The following KLHL29 variants were observed in gnomAD, a reference collection of about 807,000 sequenced individuals.
KLHL29 encodes the protein kelch like family member 29.
In KLHL29, 21 loss-of-function variants were observed where a neutral mutation model predicts 80.4. The observed-to-expected ratio is 0.26, with a 90% CI of 0.19 to 0.38. KLHL29 has a LOEUF of 0.38. Ranked by LOEUF, KLHL29 falls within the 10% of genes least tolerant of loss-of-function variation. The probability of loss-of-function intolerance (pLI) is 1.00; values close to 1 mark genes in which losing one functional copy is unlikely to be tolerated. For missense variants in KLHL29, 867 were observed against 1,223.9 expected (o/e 0.71, Z 4.35); for synonymous variants, 511 against 526.8 (o/e 0.97, Z 0.41).
Position 23,707,049 on chromosome 2 carries a change from A to T in KLHL29, c.*385A>T. On this transcript the variant is annotated 3_prime_UTR_variant, in exon 14 of 14. Coordinates refer to ENST00000486442, the MANE Select transcript of KLHL29 (RefSeq NM_052920.2). ...CAGTTATCTTATGACAACATTAGGCATCAGGCTCTCTTGGAATAAGATCAA... is the reference window on the plus strand; with the variant it reads ...CAGTTATCTTATGACAACATTAGGCTTCAGGCTCTCTTGGAATAAGATCAA... 1 of 161,244 alleles carries T rather than the reference A, an allele frequency of 6.2e-6. No individual in the cohort carries two copies. The highest frequency in any genetic ancestry group is 1.3e-5 in the Non-Finnish European group (1 of 74,224). 10.0% of individuals were successfully genotyped at this position (161,244 alleles called of 1,614,324 possible).
At chr2:23,414,121 G>A (rs1666928032) in intron 1 of KLHL29, among the ~76,000 whole-genome samples, 1 of 152,242 alleles carries the variant, frequency 6.6e-6, no homozygotes, top group Admixed American at 6.5e-5. Flanking sequence ...TTTCATTTCA[G>A]AAGAAAGAGG....
intron 1 of KLHL29, among the ~76,000 whole-genome samples, chr2:23,438,108 G>C (rs1380257702): frequency 4.7e-5 from 7 of 149,862 alleles, no homozygotes; most frequent in Non-Finnish European, 1.0e-4. Flanking sequence ...TTGGCTCTCT[G>C]TTTGACTGTT....
In KLHL29 at chr2:23,417,205, C is replaced by T. The variant is rs117647678; in HGVS notation, c.-154+31425C>T. On this transcript the variant is annotated intron_variant, in intron 1 of 13. Transcript: ENST00000486442. Reference sequence around the variant, plus strand: ...CTCTCTTAAGGGATTTGACAGCAACCTTTTAACTCATCTCCTGGCCTCTGA... The same window carrying T: ...CTCTCTTAAGGGATTTGACAGCAACTTTTTAACTCATCTCCTGGCCTCTGA... Among the ~76,000 whole-genome samples the T allele has an allele frequency of 3.0e-4, 45 of 152,232 alleles. 2 individuals carry two copies. In the East Asian group the frequency reaches 7.9e-3, roughly 27 times the overall value.
intron 2 of KLHL29, among the ~76,000 whole-genome samples, chr2:23,490,125 G>A (rs1233335244): frequency 6.6e-6 from 1 of 152,226 alleles, no homozygotes; most frequent in African/African-American, 2.4e-5. Flanking sequence ...TTCTCTGGAG[G>A]ATTCTTTTGG....
intron 3 of KLHL29, among the ~76,000 whole-genome samples, chr2:23,634,643 T>A (rs1669561245): frequency 6.6e-6 from 1 of 152,102 alleles, no homozygotes; most frequent in Admixed American, 6.5e-5. Flanking sequence ...CACCCAAGCA[T>A]CCGGAGGGGC....
chr2:23,434,355 C>T (rs1372192836), intron 1 of KLHL29, among the ~76,000 whole-genome samples: 1 of 151,010 alleles, frequency 6.6e-6, no homozygotes, highest in Non-Finnish European at 1.5e-5. Context: ...AGCTAGGCTC[C>T]GTGAGTCATG....
chr2:23,695,691 T>G lies in KLHL29; in HGVS notation c.1611T>G (p.Val537=). 1 of 1,551,618 alleles carries G rather than the reference T, an allele frequency of 6.4e-7. No individual in the cohort carries two copies. Among genetic ancestry groups the G allele is most frequent in the East Asian group, 2.4e-5 (1 of 40,922 alleles). ...FIHPSYLLNV[V]DNEELIKSSE... ...ACCCCAGCTACCTGCTCAATGTGGT[T>G]GACAATGAAGAGCTGATCAAGTCAT... Residue 537 remains valine, a synonymous_variant, in exon 9 of 14, where the codon GTT becomes GTG. Transcript: ENST00000486442. This position sits in a 1 kb window ranked among gnomAD's most constrained non-coding sequence, Gnocchi z 7.6.
chr2:23,617,338 C>T (rs551108280), intron 3 of KLHL29: 24 of 152,364 alleles, frequency 1.6e-4, no homozygotes, highest in African/African-American at 5.3e-4. Flanking sequence ...TGAAGCGCTC[C>T]TACTTAACAA....
rs902948357 is a variant in KLHL29 at position 23,612,508 on chromosome 2, G to A, written c.286-26631G>A. 7.2e-5 allele frequency among the ~76,000 whole-genome samples: 11 copies of A among 152,202 alleles called. 1 individual carries two copies. Among genetic ancestry groups the A allele is most frequent in the East Asian group, 3.9e-4 (2 of 5,194 alleles). ...GCCTGTAATCCCAGAACTTTAGGCC[G>A]TGGCAGGTGGATCACCTGAGGTCAG... is the stretch of plus-strand genomic sequence containing the variant. On this transcript the variant is annotated intron_variant, in intron 3 of 13. Transcript: ENST00000486442.
At chr2:23,489,311 G>T (rs1665027005) in intron 2 of KLHL29, among the ~76,000 whole-genome samples, 2 of 152,134 alleles carry the variant, frequency 1.3e-5, no homozygotes, top group Admixed American at 1.3e-4. Flanking sequence ...GGGATGGATT[G>T]TCTCTGACAC....
At chr2:23,426,038 A>G (rs1444029680) in intron 1 of KLHL29, among the ~76,000 whole-genome samples, 2 of 152,086 alleles carry the variant, frequency 1.3e-5, no homozygotes, top group African/African-American at 4.8e-5. Flanking sequence ...ATCACAGAGG[A>G]TGACTGCACC....
Position 23,696,627 on chromosome 2 carries a change from C to A in KLHL29, c.2105+114C>A. 1 of 817,758 alleles carries A rather than the reference C, an allele frequency of 1.2e-6. No homozygotes were observed. The highest frequency in any genetic ancestry group is 1.9e-6 in the Non-Finnish European group (1 of 528,324). The allele number at this position is 817,758 out of a possible 1,614,324, so 50.7% of individuals were successfully genotyped here. A position where few individuals can be genotyped will look rare whatever the true frequency, so the allele number is the denominator to read the frequency against. ...CAGTGGCGATGGAGCAGAGCCTGGA[C>A]CATTCATATGGGCAGTCATCCCAGG... is the stretch of plus-strand genomic sequence containing the variant. On this transcript the variant is annotated intron_variant, in intron 11 of 13. Transcript: ENST00000486442. The surrounding 1 kb of genome is among the most constrained non-coding windows in gnomAD (Gnocchi z 5.5).
chr2:23,629,825 T>C (rs1669422616), intron 3 of KLHL29, among the ~76,000 whole-genome samples: 1 of 152,126 alleles, frequency 6.6e-6, no homozygotes, highest in South Asian at 2.1e-4. Context: ...GAAAAATCAT[T>C]AAGAAAGAAG....
At position 23,673,910 on chromosome 2, in the gene KLHL29, C is replaced by T. The variant is rs148996581; in HGVS notation, c.941-10489C>T. On this transcript the variant is annotated intron_variant, in intron 5 of 13. Transcript: ENST00000486442. ...ACGTAGATACACATGCATGCACACA[C>T]ACTCACAACCATGTGTGCACACAGC... is the stretch of plus-strand genomic sequence containing the variant. Among the ~76,000 whole-genome samples the T allele has an allele frequency of 1.1e-3, 168 of 152,302 alleles. 1 individual carries two copies. Among genetic ancestry groups the T allele is most frequent in the African/African-American group, 3.9e-3 (162 of 41,554 alleles).
intron 2 of KLHL29, among the ~76,000 whole-genome samples, chr2:23,520,636 C>CAA (rs1190924618): frequency 1.3e-5 from 2 of 152,202 alleles, no homozygotes. Flanking sequence ...ATTATTTATA[C>CAA]AAGTCTTTTC....
intron 1 of KLHL29, among the ~76,000 whole-genome samples, chr2:23,399,755 C>A (rs1185436160): frequency 6.6e-6 from 1 of 152,204 alleles, no homozygotes; most frequent in Non-Finnish European, 1.5e-5. Context: ...TTCTTTCCAA[C>A]CACTTTCTGA....
At chr2:23,524,305 G>A (rs927418588) in intron 2 of KLHL29, 15 of 195,268 alleles carry the variant, frequency 7.7e-5, no homozygotes, top group Middle Eastern at 2.1e-3. Context: ...AAGCACAGGC[G>A]CCTGCTGGGC....
At chr2:23,423,528 T>C (rs1174206772) in intron 1 of KLHL29, among the ~76,000 whole-genome samples, 1 of 152,248 alleles carries the variant, frequency 6.6e-6, no homozygotes, top group Non-Finnish European at 1.5e-5. Flanking sequence ...AGCAGAGCTC[T>C]GGGCTGGTGT....
chr2:23,474,921 A>C (rs896808300), intron 1 of KLHL29, among the ~76,000 whole-genome samples: 16 of 151,910 alleles, frequency 1.1e-4, no homozygotes, highest in Admixed American at 2.6e-4. Flanking sequence ...TGGCTTTCTC[A>C]TAGATTACAT....
Sources: gnomAD v4.1 joint callset for allele counts (sites outside exome capture counted in the v4.1 genomes callset) on GRCh38, gnomAD v4.1.1 for gene constraint, Gnocchi (gnomAD v3.1) non-coding constraint, MANE v1.5 for transcripts, NCBI Gene and HGNC (gene_info 2026-07-23, HGNC 2026-07-21) for gene names.